The following RAP1GAP2 variants were observed in gnomAD, a reference collection of about 807,000 sequenced individuals.
The protein encoded by RAP1GAP2 is rap1 GTPase-activating protein 2.
RAP1GAP2 carries 27 observed loss-of-function variants against 95.0 expected under a neutral mutation model. The observed-to-expected ratio is 0.28, with a 90% confidence interval of 0.21 to 0.39. The LOEUF is 0.39. Among genes scored for constraint, RAP1GAP2 ranks in the 10% least tolerant of loss-of-function variants. The probability of loss-of-function intolerance (pLI) is 1.00; values close to 1 mark genes in which losing one functional copy is unlikely to be tolerated. For missense variants in RAP1GAP2, 771 were observed against 970.0 expected (o/e 0.79, Z 2.72); for synonymous variants, 373 against 380.9 (o/e 0.98, Z 0.24).
At chr17:2,778,587 C>G (rs772595149) in intron 1 of RAP1GAP2, among the ~76,000 whole-genome samples, 20 of 152,156 alleles carry the variant, frequency 1.3e-4, no homozygotes, top group Non-Finnish European at 2.4e-4. Flanking sequence ...TGACTTGAGC[C>G]TTGAGGGAAA....
chr17:3,018,089 T>G lies in RAP1GAP2; in HGVS notation c.1523T>G (p.Met508Arg), dbSNP rs1269594454. ...GCCATCCGCGTACGCAGCCACTCCA[T>G]GGAGACCATGGTGGGCGGCCAGAAG... ...KRAIRVRSHS[M>R]ETMVGGQKKS... The change falls in exon 18 of 25, where the codon ATG becomes AGG. Residue 508 changes from methionine to arginine, a missense_variant. Coordinates refer to ENST00000254695, the MANE Select transcript of RAP1GAP2 (RefSeq NM_015085.5). 6.3e-7 allele frequency: 1 copy of G among 1,592,296 alleles called. No individual in the cohort carries two copies. Among genetic ancestry groups the G allele is most frequent in the South Asian group, 1.1e-5 (1 of 87,422 alleles).
intron 1 of RAP1GAP2, among the ~76,000 whole-genome samples, chr17:2,758,179 C>A: frequency 7.1e-6 from 1 of 140,028 alleles, no homozygotes. Flanking sequence ...ACGCCCCCCC[C>A]CCTTTTTTTT....
intron 2 of RAP1GAP2, among the ~76,000 whole-genome samples, chr17:2,836,749 A>G (rs1034020729): frequency 6.6e-6 from 1 of 152,152 alleles, no homozygotes; most frequent in African/African-American, 2.4e-5. Flanking sequence ...CTTGGCTCTA[A>G]TTCCTGCATT....
At chr17:2,824,646 A>G (rs1365196069) in intron 2 of RAP1GAP2, among the ~76,000 whole-genome samples, 2 of 148,784 alleles carry the variant, frequency 1.3e-5, no homozygotes, top group Non-Finnish European at 3.0e-5. Context: ...AGGCTGAGGC[A>G]GGAGAATTGC....
At chr17:2,935,449 G>A (rs951998869) in intron 3 of RAP1GAP2, among the ~76,000 whole-genome samples, 1 of 152,188 alleles carries the variant, frequency 6.6e-6, no homozygotes, top group African/African-American at 2.4e-5. Flanking sequence ...GGAGGTTGCA[G>A]TGAGCTGAGA....
In RAP1GAP2 at chr17:3,029,064, C is replaced by G. The variant is rs768304637; in HGVS notation, c.2108-1858C>G. ...CCACCCACCTCGGCCTCCCAAAGTGCTGGGATTACAGGCGTGAGCCACCGC... is the reference window on the plus strand; with the variant it reads ...CCACCCACCTCGGCCTCCCAAAGTGGTGGGATTACAGGCGTGAGCCACCGC... On this transcript the variant is annotated intron_variant, in intron 22 of 24. Coordinates refer to ENST00000254695, the MANE Select transcript of RAP1GAP2 (RefSeq NM_015085.5). This position sits in a 1 kb window ranked among gnomAD's most constrained non-coding sequence, Gnocchi z 4.4. Among the ~76,000 whole-genome samples the G allele has an allele frequency of 4.3e-4, 66 of 152,304 alleles. No individual in the cohort carries two copies. Among genetic ancestry groups the G allele is most frequent in the Non-Finnish European group, 8.5e-4 (58 of 68,026 alleles).
At chr17:2,946,661 G>C (rs886138353) in intron 3 of RAP1GAP2, among the ~76,000 whole-genome samples, 5 of 152,182 alleles carry the variant, frequency 3.3e-5, no homozygotes, top group African/African-American at 1.2e-4. Context: ...CATTCAACAT[G>C]ATGAACCCCA....
intron 3 of RAP1GAP2, among the ~76,000 whole-genome samples, chr17:2,916,063 A>AGTATG (rs1325087890): frequency 3.3e-5 from 5 of 152,148 alleles, no homozygotes; most frequent in African/African-American, 9.7e-5. Flanking sequence ...TATGTATGGC[A>AGTATG]GTATGTTGGG....
chr17:2,969,163 T>TTATCTATCTATCTATC (rs756995427), intron 8 of RAP1GAP2, among the ~76,000 whole-genome samples: 8,884 of 146,598 alleles, frequency 0.061, 362 homozygotes, highest in South Asian at 0.11. Flanking sequence ...ATATTTTTCT[T>TTATCTATCTATCTATC]TATCTATCTA....
At chr17:3,009,649 C>G (rs2046448759) in intron 17 of RAP1GAP2, among the ~76,000 whole-genome samples, 1 of 152,180 alleles carries the variant, frequency 6.6e-6, no homozygotes, top group African/African-American at 2.4e-5. Flanking sequence ...TCTTCCTACC[C>G]TAGTTGGGGC....
intron 3 of RAP1GAP2, among the ~76,000 whole-genome samples, chr17:2,910,908 A>G (rs1262247653): frequency 6.6e-6 from 1 of 152,190 alleles, no homozygotes; most frequent in East Asian, 1.9e-4. Context: ...CCTGTTGGCC[A>G]GGCTGGTCTC....
chr17:2,908,123 G>A (rs934247805), intron 3 of RAP1GAP2, among the ~76,000 whole-genome samples: 3 of 152,104 alleles, frequency 2.0e-5, no homozygotes, highest in Non-Finnish European at 4.4e-5. Context: ...GCATTTTACC[G>A]TCATTTTCCG....
intron 8 of RAP1GAP2, among the ~76,000 whole-genome samples, chr17:2,970,198 C>T (rs1429473193): frequency 3.5e-5 from 5 of 142,594 alleles, no homozygotes; most frequent in Non-Finnish European, 7.5e-5. Flanking sequence ...CACTTGAACC[C>T]GGGATGCGCA....
chr17:2,942,330 T>C (rs1597673858), intron 3 of RAP1GAP2, among the ~76,000 whole-genome samples: 1 of 152,218 alleles, frequency 6.6e-6, no homozygotes, highest in African/African-American at 2.4e-5. Context: ...TCATCTCATC[T>C]TCCAGCTCAG....
At chr17:2,782,172 C>G (rs567592024) in intron 1 of RAP1GAP2, among the ~76,000 whole-genome samples, 1 of 152,266 alleles carries the variant, frequency 6.6e-6, no homozygotes, top group African/African-American at 2.4e-5. Flanking sequence ...GCTTCCTTAT[C>G]CTGTTTCTCC....
chr17:2,834,950 C>T (rs1055093447), intron 2 of RAP1GAP2, among the ~76,000 whole-genome samples: 1 of 152,044 alleles, frequency 6.6e-6, no homozygotes, highest in Non-Finnish European at 1.5e-5. Context: ...GATGGAGTCT[C>T]GCTCTGTTGC....
intron 3 of RAP1GAP2, among the ~76,000 whole-genome samples, chr17:2,908,832 A>G (rs1228389043): frequency 6.6e-6 from 1 of 151,960 alleles, no homozygotes; most frequent in African/African-American, 2.4e-5. Context: ...TAGCCTCCCG[A>G]GTAGCTGGGA....
chr17:2,788,912 C>T (rs2068854705), intron 1 of RAP1GAP2, among the ~76,000 whole-genome samples: 2 of 152,202 alleles, frequency 1.3e-5, no homozygotes, highest in Non-Finnish European at 2.9e-5. Context: ...AAACAACTCA[C>T]AGACATACCC....
intron 2 of RAP1GAP2, among the ~76,000 whole-genome samples, chr17:2,893,720 G>A (rs1469216957): frequency 1.3e-5 from 2 of 152,154 alleles, no homozygotes; most frequent in African/African-American, 4.8e-5. Context: ...CTCCCCCCAT[G>A]GAGGCCAGGC....
Sources: allele counts gnomAD v4.1 joint callset (sites outside exome capture counted in the v4.1 genomes callset), GRCh38; gene constraint gnomAD v4.1.1; non-coding constraint Gnocchi (gnomAD v3.1); transcripts MANE v1.5; gene names NCBI Gene and HGNC (gene_info 2026-07-23, HGNC 2026-07-21).